Variants in HEATR5A observed in about 807,000 individuals in gnomAD.
The protein encoded by HEATR5A is HEAT repeat containing 5A, also known as HEAT repeat-containing protein 5A.
Under a neutral mutation model 218.8 loss-of-function variants are expected in HEATR5A, and 178 were observed. The observed-to-expected ratio is 0.81, with a 90% confidence interval of 0.72 to 0.92. The LOEUF is 0.92. HEATR5A is among the 40% of genes least tolerant of loss of function. The probability of loss-of-function intolerance (pLI) is 0.00; values close to 1 mark genes in which losing one functional copy is unlikely to be tolerated. For synonymous variants in HEATR5A, 864 were observed against 871.6 expected (o/e 0.99, Z 0.15); for missense variants, 2,420 against 2,418.9 (o/e 1.00, Z -0.01).
Position 31,323,805 on chromosome 14 carries a change from CTT to C in HEATR5A, c.3548-3_3548-2del, listed in dbSNP as rs1566754214. ...TCCACACAAGTTACAGCTGTAAAAT[CTT>C]TTATTAAAGGAGAACATATGTAATT... On this transcript the variant is annotated splice_acceptor_variant and splice_polypyrimidine_tract_variant and intron_variant, in intron 23 of 35. Coordinates refer to ENST00000543095, the MANE Select transcript of HEATR5A (RefSeq NM_015473.4). LOFTEE classifies it high-confidence loss of function. The C allele has an allele frequency of 6.4e-7, 1 of 1,570,510 alleles. No individual in the cohort carries two copies. Among genetic ancestry groups the C allele is most frequent in the Admixed American group, 1.7e-5 (1 of 58,984 alleles).
chr14:31,307,795 TTC>T lies in HEATR5A; in HGVS notation c.4818+96_4818+97del, dbSNP rs150388932. 3.0e-3 allele frequency: 4,127 copies of T among 1,388,082 alleles called. 83 individuals carry two copies. The African/African-American group carries it at 0.052, about 18-fold the overall frequency. The allele number at this position is 1,388,082 out of a possible 1,614,324, so 86.0% of individuals were successfully genotyped here. ...AGGCTGTATGGTTTAGAAAAAAAAT[TTC>T]TGTGTGTTTACTTTCTGTTAACTAT... On this transcript the variant is annotated intron_variant, in intron 30 of 35. Coordinates refer to ENST00000543095, the MANE Select transcript of HEATR5A (RefSeq NM_015473.4).
intron 1 of HEATR5A, among the ~76,000 whole-genome samples, chr14:31,411,595 G>C (rs1362928073): frequency 6.6e-6 from 1 of 152,178 alleles, no homozygotes; most frequent in Non-Finnish European, 1.5e-5. Context: ...ATGCCTCGTT[G>C]TCAGTTTTCT....
intron 19 of HEATR5A, among the ~76,000 whole-genome samples, chr14:31,345,505 C>G (rs1388665189): frequency 6.6e-6 from 1 of 152,088 alleles, no homozygotes; most frequent in East Asian, 1.9e-4. Context: ...CTTCAGCTAA[C>G]AGTTTGAATC....
At chr14:31,352,209 AC>A (rs1901257290) in intron 16 of HEATR5A, among the ~76,000 whole-genome samples, 1 of 152,082 alleles carries the variant, frequency 6.6e-6, no homozygotes, top group African/African-American at 2.4e-5. Context: ...TAAATGAGAA[AC>A]CTGAAATACG....
chr14:31,390,988 A>C (rs2030430508), intron 6 of HEATR5A, among the ~76,000 whole-genome samples: 1 of 152,142 alleles, frequency 6.6e-6, no homozygotes, highest in Admixed American at 6.5e-5. Flanking sequence ...ACAAGATACT[A>C]AGGTGAAAGA....
intron 12 of HEATR5A, among the ~76,000 whole-genome samples, chr14:31,374,201 G>C (rs888864107): frequency 1.3e-5 from 2 of 151,718 alleles, no homozygotes; most frequent in African/African-American, 4.8e-5. Context: ...AGCTACTTGG[G>C]AGGCTGACGT....
chr14:31,347,845 T>G lies in HEATR5A; in HGVS notation c.2771A>C (p.His924Pro). The part of the protein sequence containing the change: ...TGHSLALGSL[H>P]RYLGGISSSQ... ...AGAACTTATTCCTCCTAAATACCTATGTAGGGACCCCAAGGCCAATGAGTG... is the reference window on the plus strand; with the variant it reads ...AGAACTTATTCCTCCTAAATACCTAGGTAGGGACCCCAAGGCCAATGAGTG... Residue 924 changes from histidine to proline, a missense_variant, in exon 19 of 36, where the codon CAT (histidine) becomes CCT (proline). By Grantham distance (77) the His-to-Pro change is moderately conservative. Coordinates refer to ENST00000543095, the MANE Select transcript of HEATR5A (RefSeq NM_015473.4). The G allele has an allele frequency of 6.3e-7, 1 of 1,594,718 alleles. No individual in the cohort carries two copies. The highest frequency in any genetic ancestry group is 8.5e-7 in the Non-Finnish European group (1 of 1,170,186).
chr14:31,341,154 A>G (rs964032741), intron 21 of HEATR5A, among the ~76,000 whole-genome samples: 2 of 152,190 alleles, frequency 1.3e-5, no homozygotes, highest in African/African-American at 4.8e-5. Flanking sequence ...TTTGACTATG[A>G]TTGTGTATTA....
At chr14:31,305,960 C>T (rs543764265) in intron 31 of HEATR5A, among the ~76,000 whole-genome samples, 1 of 152,298 alleles carries the variant, frequency 6.6e-6, no homozygotes, top group Admixed American at 6.5e-5. Context: ...CAACTATAAT[C>T]TTAAGTGGTA....
chr14:31,331,736 C>T lies in HEATR5A; in HGVS notation c.3368-5394G>A, dbSNP rs532232098. The stretch of plus-strand genomic sequence containing the variant: ...TGTTAGGGAGGCCTCAGGAAACTTA[C>T]AATCATGGTGGAAGGGGAAGAGGCA... On this transcript the variant is annotated intron_variant, in intron 22 of 35. Coordinates refer to ENST00000543095, the MANE Select transcript of HEATR5A (RefSeq NM_015473.4). Among the ~76,000 whole-genome samples, 96 of 152,278 alleles carry T rather than the reference C, an allele frequency of 6.3e-4. 1 individual carries two copies. The highest frequency in any genetic ancestry group is 2.4e-4 in the Non-Finnish European group (16 of 68,028).
intron 2 of HEATR5A, among the ~76,000 whole-genome samples, chr14:31,402,007 CTTTTG>C (rs2030895898): frequency 1.3e-5 from 2 of 151,574 alleles, no homozygotes; most frequent in African/African-American, 4.9e-5. Flanking sequence ...AGAATTTTGT[CTTTTG>C]TTTTTTTTTC....
chr14:31,333,221 G>A (rs141718461), intron 22 of HEATR5A, among the ~76,000 whole-genome samples: 9 of 152,152 alleles, frequency 5.9e-5, no homozygotes, highest in East Asian at 3.9e-4. Flanking sequence ...GCCAGAAGAC[G>A]TAGCTAAGGT....
chr14:31,302,303 C>T lies in HEATR5A; in HGVS notation c.5456G>A (p.Trp1819Ter), dbSNP rs1372229371. The change falls in exon 33 of 36, where the codon TGG becomes TAG. Residue 1819 changes from tryptophan (W) to a stop codon, truncating the protein, a stop_gained. Coordinates refer to ENST00000543095, the MANE Select transcript of HEATR5A (RefSeq NM_015473.4). LOFTEE classifies it high-confidence loss of function. ...CAAATAGCCTCAATTACCTGGATCC[C>T]AACAGTCAAGAATTGTTGTTAAGGC... ...RSALTTILDC[W>*]DPVDETHQEL... 6.3e-7 allele frequency: 1 copy of T among 1,589,970 alleles called. No individual in the cohort carries two copies. The highest frequency in any genetic ancestry group is 8.6e-7 in the Non-Finnish European group (1 of 1,167,148).
At chr14:31,352,994 T>G (rs1191539832) in intron 16 of HEATR5A, among the ~76,000 whole-genome samples, 1 of 95,704 alleles carries the variant, frequency 1.0e-5, no homozygotes, top group African/African-American at 3.3e-5. Flanking sequence ...AAATAAAATG[T>G]AATAAAAATG....
At chr14:31,376,769 AAC>A (rs1595152973) in intron 11 of HEATR5A, among the ~76,000 whole-genome samples, 1 of 152,242 alleles carries the variant, frequency 6.6e-6, no homozygotes, top group African/African-American at 2.4e-5. Flanking sequence ...GAATGAAAAA[AAC>A]AGAGAAGACA....
chr14:31,389,003 C>T lies in HEATR5A; in HGVS notation c.775G>A (p.Ala259Thr), dbSNP rs7157977. 655,449 of 1,601,872 alleles carry T rather than the reference C, an allele frequency of 0.41. 137,885 individuals carry two copies. Among genetic ancestry groups the T allele is most frequent in the South Asian group, 0.44 (39,301 of 90,270 alleles). The stretch of plus-strand genomic sequence containing the variant: ...ACTCTGCGAATGCTTTGACGTGAGG[C>T]TGCTATGACAAAGAACAAAACTGTG... ...AVISKHPGTA[A>T]SRQSIRRVSL... The change falls in exon 7 of 36, where the codon GCC (alanine) becomes ACC (threonine). Residue 259 changes from alanine (A) to threonine (T), a missense_variant and splice_region_variant. Coordinates refer to ENST00000543095, the MANE Select transcript of HEATR5A (RefSeq NM_015473.4).
Position 31,307,821 on chromosome 14 carries a change from A to G in HEATR5A, c.4818+72T>C. ...TCTGTGTGTTTACTTTCTGTTAACT[A>G]TAGAAACCTGAACATGTTTCTCTTC... On this transcript the variant is annotated intron_variant, in intron 30 of 35. Transcript: ENST00000543095. 3.3e-6 allele frequency: 5 copies of G among 1,532,520 alleles called. No homozygotes were observed. The East Asian group carries it at 6.9e-5, about 21-fold the overall frequency. The allele number at this position is 1,532,520 out of a possible 1,614,324, so 94.9% of individuals were successfully genotyped here. A position where few individuals can be genotyped will look rare whatever the true frequency, so the allele number is the denominator to read the frequency against.
chr14:31,364,943 C>T (rs1417423026), intron 13 of HEATR5A, among the ~76,000 whole-genome samples: 3 of 151,856 alleles, frequency 2.0e-5, no homozygotes, highest in African/African-American at 2.4e-5. Context: ...GGTATGATCT[C>T]GGCTCACTGC....
At chr14:31,393,451 C>T (rs1228911693) in intron 6 of HEATR5A, among the ~76,000 whole-genome samples, 3 of 152,126 alleles carry the variant, frequency 2.0e-5, no homozygotes, top group Non-Finnish European at 4.4e-5. Context: ...GCAGAGGTTT[C>T]AGTGAGCTGA....
Sources: gnomAD v4.1 joint callset for allele counts (sites outside exome capture counted in the v4.1 genomes callset) on GRCh38, gnomAD v4.1.1 for gene constraint, MANE v1.5 for transcripts, NCBI Gene and HGNC (gene_info 2026-07-23, HGNC 2026-07-21) for gene names.